The following CREB3L2 variants were observed in gnomAD, a reference collection of about 807,000 sequenced individuals.
CREB3L2 encodes cAMP responsive element binding protein 3 like 2, also known as cyclic AMP-responsive element-binding protein 3-like protein 2.
A neutral mutation model predicts 57.2 loss-of-function variants in CREB3L2; 23 were observed. The observed-to-expected ratio is 0.40, with a 90% CI of 0.29 to 0.57. The LOEUF (loss-of-function observed/expected upper bound fraction) is 0.57. CREB3L2 is among the 20% of genes least tolerant of loss of function. The pLI is 0.42. For missense variants in CREB3L2, 628 were observed against 634.7 expected, an observed-to-expected ratio of 0.99 and a Z score of 0.11; for synonymous variants, 268 against 265.1, an observed-to-expected ratio of 1.01 and a Z score of -0.11.
intron 8 of CREB3L2, among the ~76,000 whole-genome samples, chr7:137,893,571 T>C (rs1256431635): frequency 2.6e-5 from 4 of 151,948 alleles, no homozygotes; most frequent in Non-Finnish European, 5.9e-5. Flanking sequence ...AGGGAACAAA[T>C]ACACAAAATT....
intron 7 of CREB3L2, 41 bp from the exon 8 acceptor site, chr7:137,901,463 G>A (rs1158888487): frequency 7.5e-6 from 10 of 1,334,954 alleles, no homozygotes; most frequent in Non-Finnish European, 9.7e-6. Flanking sequence ...TATCCATAGA[G>A]CAAACACTAA....
rs894447079 is a variant in CREB3L2 at position 137,980,062 on chromosome 7, T to G, written c.102+21542A>C. Among the ~76,000 whole-genome samples, 1 of 152,248 alleles carries G rather than the reference T, an allele frequency of 6.6e-6. No homozygotes were observed. The highest frequency in any genetic ancestry group is 1.5e-5 in the Non-Finnish European group (1 of 68,044). ...AAATTTTACATGCACATGGATCATC[T>G]GGGGATCTTCAGATTATAATTCAGA... On this transcript the variant is annotated intron_variant, in intron 1 of 11. Transcript: ENST00000330387. This position sits in a 1 kb window ranked among gnomAD's most constrained non-coding sequence, Gnocchi z 4.3.
In CREB3L2 at chr7:138,001,326, A is replaced by G. The variant is rs1802070957; in HGVS notation, c.102+278T>C. On this transcript the variant is annotated intron_variant, in intron 1 of 11. Coordinates refer to ENST00000330387, the MANE Select transcript of CREB3L2 (RefSeq NM_194071.4). This position sits in a 1 kb window ranked among gnomAD's most constrained non-coding sequence, Gnocchi z 4.2. The stretch of plus-strand genomic sequence containing the variant: ...TCTCCCGCATTACAGTACTGTTAAC[A>G]ACAGCAAATGATATTACAGATGGAA... 6.6e-6 allele frequency among the ~76,000 whole-genome samples: 1 copy of G among 152,192 alleles called. No individual in the cohort carries two copies. Among genetic ancestry groups the G allele is most frequent in the African/African-American group, 2.4e-5 (1 of 41,444 alleles).
chr7:137,938,185 A>G (rs1159128249), intron 1 of CREB3L2, among the ~76,000 whole-genome samples: 1 of 152,184 alleles, frequency 6.6e-6, no homozygotes, highest in East Asian at 1.9e-4. Context: ...GAGTGATAAC[A>G]ATGTGTCAAT....
intron 1 of CREB3L2, among the ~76,000 whole-genome samples, chr7:137,935,413 C>G (rs1284274761): frequency 6.6e-6 from 1 of 152,210 alleles, no homozygotes; most frequent in African/African-American, 2.4e-5. Flanking sequence ...AACAAATGTA[C>G]TTCTTTTAGA....
intron 1 of CREB3L2, among the ~76,000 whole-genome samples, chr7:137,935,203 G>A (rs1429202684): frequency 6.6e-6 from 1 of 152,170 alleles, no homozygotes; most frequent in African/African-American, 2.4e-5. Flanking sequence ...CTTGTGTCAT[G>A]AGAATTAAAC....
rs150075833 is a variant in CREB3L2 at position 137,928,260 on chromosome 7, G to A, written c.209C>T (p.Pro70Leu). Residue 70 changes from proline to leucine, a missense_variant, in exon 2 of 12, where the codon CCG (proline) becomes CTG (leucine). Transcript: ENST00000330387. Reference sequence around the variant, plus strand: ...CTGGATGAGAGGCGCCGGGGACGTCGGGGAAGGTTCCACCTCCATTGACAC... The same window carrying A: ...CTGGATGAGAGGCGCCGGGGACGTCAGGGAAGGTTCCACCTCCATTGACAC... Reference protein sequence around the residue: ...KSVSMEVEPSPTSPAPLIQAE... With the variant: ...KSVSMEVEPSLTSPAPLIQAE... 313 of 1,613,814 alleles carry A rather than the reference G, an allele frequency of 1.9e-4. 1 individual carries two copies. In the African/African-American group the frequency reaches 2.7e-3, roughly 14 times the overall value.
chr7:137,893,709 A>T (rs1254975144), intron 8 of CREB3L2, among the ~76,000 whole-genome samples: 1 of 152,246 alleles, frequency 6.6e-6, no homozygotes, highest in East Asian at 1.9e-4. Context: ...AAGAACAAGA[A>T]AAGTAGAGTT....
intron 1 of CREB3L2, among the ~76,000 whole-genome samples, chr7:137,961,433 T>C (rs1294661553): frequency 6.6e-6 from 1 of 152,120 alleles, no homozygotes; most frequent in Non-Finnish European, 1.5e-5. Context: ...AGTCAGTTGT[T>C]GCTCCCCACA....
intron 6 of CREB3L2, 68 bp from the exon 7 acceptor site, chr7:137,904,085 G>A: frequency 7.6e-7 from 1 of 1,319,636 alleles, no homozygotes; most frequent in Admixed American, 1.7e-5. Context: ...TAAGATGGGA[G>A]GTGGTTAGCG....
At chr7:137,953,502 C>T (rs762833151) in intron 1 of CREB3L2, 1 of 1,289,150 alleles carries the variant, frequency 7.8e-7, no homozygotes, top group South Asian at 1.2e-5. Flanking sequence ...ATCCCCAACA[C>T]ACGACTCTCC....
At chr7:137,972,752 G>C (rs563658751) in intron 1 of CREB3L2, among the ~76,000 whole-genome samples, 4 of 72,204 alleles carry the variant, frequency 5.5e-5, no homozygotes, top group Admixed American at 2.6e-4. Flanking sequence ...GAGAGAGAGA[G>C]AGAGAGAGAG....
At chr7:137,933,405 C>T (rs1430860192) in intron 1 of CREB3L2, among the ~76,000 whole-genome samples, 10 of 152,124 alleles carry the variant, frequency 6.6e-5, no homozygotes, top group African/African-American at 2.2e-4. Context: ...CAGGTTGGCG[C>T]ACTCTGCTGA....
intron 1 of CREB3L2, among the ~76,000 whole-genome samples, chr7:137,967,171 A>AC (rs1801422353): frequency 6.6e-6 from 1 of 152,226 alleles, no homozygotes; most frequent in Non-Finnish European, 1.5e-5. Flanking sequence ...GCGGGCGCTC[A>AC]CCAGAGCTCA....
intron 4 of CREB3L2, among the ~76,000 whole-genome samples, chr7:137,908,701 A>G (rs1037139503): frequency 6.6e-6 from 1 of 152,110 alleles, no homozygotes; most frequent in Admixed American, 6.5e-5. Flanking sequence ...GGGCCAGGCA[A>G]GGTGGCTCAT....
chr7:137,939,303 TAGGGC>T (rs1273434574), intron 1 of CREB3L2, among the ~76,000 whole-genome samples: 1 of 151,904 alleles, frequency 6.6e-6, no homozygotes, highest in African/African-American at 2.4e-5. Flanking sequence ...CAGCCTGGAG[TAGGGC>T]AGGACCCCTT....
intron 1 of CREB3L2, among the ~76,000 whole-genome samples, chr7:137,998,938 T>C (rs2117338239): frequency 6.6e-6 from 1 of 152,232 alleles, no homozygotes; most frequent in South Asian, 2.1e-4. Context: ...GCTGTCATCA[T>C]CTCTTACCAC....
At chr7:137,935,705 T>C (rs1017372395) in intron 1 of CREB3L2, among the ~76,000 whole-genome samples, 2 of 152,198 alleles carry the variant, frequency 1.3e-5, no homozygotes, top group African/African-American at 4.8e-5. Context: ...TATCATTCTA[T>C]AACATCCTAA....
intron 2 of CREB3L2, among the ~76,000 whole-genome samples, chr7:137,922,382 ATG>A (rs1554497987): frequency 0.014 from 1,419 of 102,466 alleles, 49 homozygotes; most frequent in African/African-American, 0.062. Flanking sequence ...ATATATATAT[ATG>A]TATATATATA....
Sources: gnomAD v4.1 joint callset for allele counts (sites outside exome capture counted in the v4.1 genomes callset) on GRCh38, gnomAD v4.1.1 for gene constraint, Gnocchi (gnomAD v3.1) non-coding constraint, MANE v1.5 for transcripts, NCBI Gene and HGNC (gene_info 2026-07-23, HGNC 2026-07-21) for gene names.